Variants in CA14 observed in about 807,000 individuals in gnomAD.
CA14 encodes the protein carbonic anhydrase 14.
A neutral mutation model predicts 48.8 loss-of-function variants in CA14; 44 were observed. That is an observed-to-expected ratio of 0.90 (90% CI 0.71 to 1.16). The LOEUF is 1.16. Among genes scored for constraint, CA14 ranks in the 50% most tolerant of loss-of-function variants. The probability of loss-of-function intolerance (pLI) is 0.00; values close to 1 mark genes in which losing one functional copy is unlikely to be tolerated. For synonymous variants in CA14, 154 were observed against 155.0 expected, an observed-to-expected ratio of 0.99 and a Z score of 0.05; for missense variants, 386 against 401.0, an observed-to-expected ratio of 0.96 and a Z score of 0.32.
chr1:150,260,555 G>A (rs1418317987), intron 2 of CA14: 3 of 354,766 alleles, frequency 8.5e-6, no homozygotes, highest in African/African-American at 6.4e-5. Context: ...CAGGGGTGAG[G>A]AAGAGGCTGG....
chr1:150,264,580 T>C lies in CA14; in HGVS notation c.948-13T>C, dbSNP rs1553848951. On this transcript the variant is annotated splice_polypyrimidine_tract_variant and intron_variant, in intron 10 of 10. Transcript: ENST00000369111. ...AGATAGCAGTCATTCTCATGAGCCA[T>C]TCCCCTTTCCAGGAAGAAGAGGCTG... 2.0e-6 allele frequency: 3 copies of C among 1,522,926 alleles called. No homozygotes were observed. The highest frequency in any genetic ancestry group is 1.7e-5 in the Admixed American group (1 of 59,768). The allele number at this position is 1,522,926 out of a possible 1,614,324, so 94.3% of individuals were successfully genotyped here.
rs147099110 is a variant in CA14, at chr1:150,263,392, C to T, written c.814C>T (p.Arg272Cys). The T allele has an allele frequency of 7.9e-5, 127 of 1,614,068 alleles. No individual in the cohort carries two copies. The highest frequency in any genetic ancestry group is 4.7e-5 in the Non-Finnish European group (56 of 1,180,052). Residue 272 changes from arginine to cysteine, a missense_variant, in exon 8 of 11, where the codon CGC becomes TGC. Coordinates refer to ENST00000369111, the MANE Select transcript of CA14 (RefSeq NM_012113.3). ...CCGAGCCCTTCAGCCTCTCAATCAG[C>T]GCATGGTCTTTGCTTCTTTCATCCA... ...NYRALQPLNQ[R>C]MVFASFIQAG...
At chr1:150,259,071 C>T (rs1650781884) in intron 1 of CA14, among the ~76,000 whole-genome samples, 1 of 152,134 alleles carries the variant, frequency 6.6e-6, no homozygotes. Flanking sequence ...CCAGAGTGGA[C>T]AGGCACCTTT....
In CA14 at chr1:150,262,546, T is replaced by C. The variant is rs782538515; in HGVS notation, c.421T>C (p.Ser141Pro). Residue 141 changes from serine (S) to proline (P), a missense_variant, in exon 5 of 11, where the codon TCT becomes CCT. By Grantham distance (74) the Ser-to-Pro change is moderately conservative. Coordinates refer to ENST00000369111, the MANE Select transcript of CA14 (RefSeq NM_012113.3). ...FAELHIVHYD[S>P]DSYDSLSEAA... is the part of the protein sequence containing the mutation. ...TTAGCTCCACATTGTACATTATGAC[T>C]CTGATTCCTATGACAGCTTGAGTGA... The C allele has an allele frequency of 3.0e-5, 49 of 1,613,470 alleles. No individual in the cohort carries two copies. The highest frequency in any genetic ancestry group is 3.6e-5 in the Non-Finnish European group (42 of 1,179,476).
rs1364665059 is a variant in CA14, at chr1:150,260,158, C to A, written c.63C>A (p.His21Gln). The A allele has an allele frequency of 1.2e-6, 2 of 1,613,826 alleles. No homozygotes were observed. The highest frequency in any genetic ancestry group is 3.3e-5 in the Admixed American group (2 of 60,012). Residue 21 changes from histidine (H) to glutamine (Q), a missense_variant, in exon 2 of 11, where the codon CAC becomes CAA. By Grantham distance (24) the His-to-Gln change is conservative. Coordinates refer to ENST00000369111, the MANE Select transcript of CA14 (RefSeq NM_012113.3). ...AACTATTCTGCCTTGCAGGTCAACA[C>A]TGGACGTATGAGGGTGAGCAGATCT... Reference protein sequence around the residue: ...IWILAADGGQHWTYEGPHGQD... With the variant: ...IWILAADGGQQWTYEGPHGQD...
At position 150,263,848 on chromosome 1, in the gene CA14, T is replaced by G; in HGVS notation, c.917T>G (p.Leu306Arg). 6.2e-7 allele frequency: 1 copy of G among 1,613,206 alleles called. No individual in the cohort carries two copies. Among genetic ancestry groups the G allele is most frequent in the South Asian group, 1.1e-5 (1 of 91,056 alleles). Residue 306 changes from leucine to arginine, a missense_variant, in exon 10 of 11, where the codon CTG (leucine) becomes CGG (arginine). Transcript: ENST00000369111. The stretch of plus-strand genomic sequence containing the variant: ...TTGGTTGGCTGTCTCTGCCTTCTCC[T>G]GGCTGTTTATTTCATTGCTAGAAAG... The part of the protein sequence containing the change: ...GILVGCLCLL[L>R]AVYFIARKIR...
intron 1 of CA14, 52 bp downstream of exon 1, chr1:150,258,235 G>A (rs782026899): frequency 1.9e-5 from 29 of 1,489,594 alleles, no homozygotes; most frequent in South Asian, 1.3e-4. Flanking sequence ...TTCACATGTC[G>A]CCAGGTGTGC....
In CA14 at chr1:150,262,851, G is replaced by A; in HGVS notation, c.543G>A (p.Leu181=). ...NIAYEHILSH[L]HEVRHKDQKT... Reference sequence around the variant, plus strand: ...CTTATGAACACATTCTGAGTCACTTGCATGAAGTCAGGCATAAAGGTGAGC... The same window carrying A: ...CTTATGAACACATTCTGAGTCACTTACATGAAGTCAGGCATAAAGGTGAGC... Residue 181 remains leucine, a synonymous_variant, in exon 6 of 11, where the codon TTG becomes TTA. Transcript: ENST00000369111. 1 of 1,613,026 alleles carries A rather than the reference G, an allele frequency of 6.2e-7. No individual in the cohort carries two copies. Among genetic ancestry groups the A allele is most frequent in the Non-Finnish European group, 8.5e-7 (1 of 1,179,004 alleles).
chr1:150,262,308 G>C lies in CA14; in HGVS notation c.399+8G>C. ...GAAGCCACATTTGCAGAGGTACCAG[G>C]GAACAAAGAGCTGGGACTCAGACAA... On this transcript the variant is annotated splice_region_variant and intron_variant, in intron 4 of 10. Transcript: ENST00000369111. 1 of 1,589,520 alleles carries C rather than the reference G, an allele frequency of 6.3e-7. No homozygotes were observed. The highest frequency in any genetic ancestry group is 1.2e-5 in the South Asian group (1 of 86,432).
At chr1:150,261,371 G>C (rs1279606660) in intron 2 of CA14, 88 bp from the exon 3 acceptor site, 2 of 1,207,036 alleles carry the variant, frequency 1.7e-6, no homozygotes, top group Non-Finnish European at 2.4e-6. Context: ...GTATGGCTTG[G>C]TTAGGGGAAG....
Position 150,263,985 on chromosome 1 carries a change from G to A in CA14, c.947+107G>A, listed in dbSNP as rs377325232. The A allele has an allele frequency of 5.4e-4, 439 of 807,328 alleles. 4 individuals carry two copies. In the South Asian group the frequency reaches 6.9e-3, roughly 13 times the overall value. 50.0% of individuals were successfully genotyped at this position (807,328 alleles called of 1,614,324 possible). A position where few individuals can be genotyped will look rare whatever the true frequency, so the allele number is the denominator to read the frequency against. ...GTTACTCAGTCTGGAGTGCAGTGGT[G>A]TGCAATCTCAGCTCACTGCAACCTC... On this transcript the variant is annotated intron_variant, in intron 10 of 10. Transcript: ENST00000369111.
At position 150,258,082 on chromosome 1, in the gene CA14, C is replaced by G. The variant is rs782200788; in HGVS notation, c.-47C>G. The G allele has an allele frequency of 3.3e-6, 5 of 1,502,450 alleles. No individual in the cohort carries two copies. The East Asian group carries it at 1.2e-4, about 35-fold the overall frequency. The allele number at this position is 1,502,450 out of a possible 1,614,324, so 93.1% of individuals were successfully genotyped here. ...CCCTCTCTCTCTGCCTGTCCTAGTC[C>G]TCTAGTCCTCAAATTCCCAGTCCCC... On this transcript the variant is annotated 5_prime_UTR_variant, in exon 1 of 11. Transcript: ENST00000369111.
chr1:150,261,421 T>C lies in CA14; in HGVS notation c.77-38T>C. On this transcript the variant is annotated intron_variant, in intron 2 of 10. Coordinates refer to ENST00000369111, the MANE Select transcript of CA14 (RefSeq NM_012113.3). ...GGTGCTGTTGAAGGGTAGCTAGAGC[T>C]GGAGGACAGGACCAATGTCTTTGGT... The C allele has an allele frequency of 1.3e-6, 2 of 1,591,254 alleles. 1 individual carries two copies. The highest frequency in any genetic ancestry group is 2.2e-5 in the South Asian group (2 of 89,350).
rs537082825 is a variant in CA14, at chr1:150,263,098, G to A, written c.619G>A (p.Gly207Arg). The change falls in exon 7 of 11, where the codon GGG becomes AGG. Residue 207 changes from glycine (G) to arginine (R), a missense_variant. Physicochemically the swap from Gly to Arg is moderately radical, Grantham distance 125 (BLOSUM62 -2). Transcript: ENST00000369111. Reference protein sequence around the residue: ...NLRELLPKQLGQYFRYNGSLT... With the variant: ...NLRELLPKQLRQYFRYNGSLT... ...AAGAGAGCTGCTCCCCAAACAGCTG[G>A]GGCAGTACTTCCGCTACAATGGCTC... is the stretch of plus-strand genomic sequence containing the variant. 3.7e-6 allele frequency: 6 copies of A among 1,614,044 alleles called. No homozygotes were observed. Among genetic ancestry groups the A allele is most frequent in the African/African-American group, 1.3e-5 (1 of 75,002 alleles).
chr1:150,258,047 A>G lies in CA14; in HGVS notation c.-82A>G. Reference sequence around the variant, plus strand: ...CGCTCGCTCTCTCTCTCTCTCTCTCACTCCTCCCTCCCTCTCTCTCTGCCT... The same window carrying G: ...CGCTCGCTCTCTCTCTCTCTCTCTCGCTCCTCCCTCCCTCTCTCTCTGCCT... On this transcript the variant is annotated 5_prime_UTR_variant, in exon 1 of 11. Coordinates refer to ENST00000369111, the MANE Select transcript of CA14 (RefSeq NM_012113.3). The G allele has an allele frequency of 2.0e-6, 2 of 978,680 alleles. No individual in the cohort carries two copies. Among genetic ancestry groups the G allele is most frequent in the Admixed American group, 4.8e-5 (2 of 41,824 alleles). The allele number at this position is 978,680 out of a possible 1,614,324, so 60.6% of individuals were successfully genotyped here.
chr1:150,258,586 G>A (rs979146021), intron 1 of CA14, among the ~76,000 whole-genome samples: 1 of 152,148 alleles, frequency 6.6e-6, no homozygotes, highest in Non-Finnish European at 1.5e-5. Flanking sequence ...ATGGGGGTAG[G>A]GGGAAGAATA....
In CA14 at chr1:150,264,875, G is replaced by T; in HGVS notation, c.*216G>T. The T allele has an allele frequency of 2.3e-6, 1 of 437,488 alleles. No individual in the cohort carries two copies. Among genetic ancestry groups the T allele is most frequent in the African/African-American group, 2.0e-5 (1 of 50,384 alleles). 27.1% of individuals were successfully genotyped at this position (437,488 alleles called of 1,614,324 possible). ...TCTCCAAACATGTAGGAGGAAATGA[G>T]GAAATCGCTGTGTTGTTAATGCAGA... On this transcript the variant is annotated 3_prime_UTR_variant, in exon 11 of 11. Coordinates refer to ENST00000369111, the MANE Select transcript of CA14 (RefSeq NM_012113.3).
intron 4 of CA14, 35 bp downstream of exon 4, chr1:150,262,335 G>GT (rs1651112019): frequency 6.3e-7 from 1 of 1,574,956 alleles, no homozygotes; most frequent in Non-Finnish European, 8.6e-7. Context: ...CTCAGACAAA[G>GT]TAACAGGGAT....
intron 8 of CA14, 36 bp downstream of exon 8, chr1:150,263,455 A>T (rs782568270): frequency 1.6e-5 from 25 of 1,611,822 alleles, no homozygotes; most frequent in Non-Finnish European, 2.0e-5. Flanking sequence ...TGGGAAACTG[A>T]GGGGGACACA....
Sources: allele counts gnomAD v4.1 joint callset (sites outside exome capture counted in the v4.1 genomes callset), GRCh38; gene constraint gnomAD v4.1.1; transcripts MANE v1.5; gene names NCBI Gene and HGNC (gene_info 2026-07-23, HGNC 2026-07-21).